Variants in SYTL2 observed in about 807,000 individuals in gnomAD.
SYTL2 encodes the protein synaptotagmin like 2.
A neutral mutation model predicts 198.7 loss-of-function variants in SYTL2; 165 were observed. That is an observed-to-expected ratio of 0.83 (90% confidence interval 0.73 to 0.94). The LOEUF (loss-of-function observed/expected upper bound fraction) is 0.94. SYTL2 is among the 40% of genes least tolerant of loss of function. SYTL2 has a pLI of 0.00. For synonymous variants in SYTL2, 966 were observed against 917.7 expected, an observed-to-expected ratio of 1.05 and a Z score of -0.95; for missense variants, 2,835 against 2,582.8, an observed-to-expected ratio of 1.10 and a Z score of -2.12.
At chr11:85,801,792 G>A (rs1360116245) in intron 1 of SYTL2, among the ~76,000 whole-genome samples, 1 of 150,994 alleles carries the variant, frequency 6.6e-6, no homozygotes, top group East Asian at 1.9e-4. Flanking sequence ...TACCTGTCCT[G>A]TGTGCCAACT....
chr11:85,772,646 G>A (rs1322401867), intron 1 of SYTL2, among the ~76,000 whole-genome samples: 1 of 152,124 alleles, frequency 6.6e-6, no homozygotes, highest in Non-Finnish European at 1.5e-5. Flanking sequence ...TATCAAAATG[G>A]GCAGCAACCA....
At chr11:85,753,498 G>C (rs1309850485) in intron 2 of SYTL2, among the ~76,000 whole-genome samples, 1 of 152,098 alleles carries the variant, frequency 6.6e-6, no homozygotes, top group Non-Finnish European at 1.5e-5. Flanking sequence ...TATTTCCTTG[G>C]GTACGAGTCC....
chr11:85,723,328 A>G (rs74566788), intron 8 of SYTL2, among the ~76,000 whole-genome samples: 2,975 of 152,342 alleles, frequency 0.02, 103 homozygotes, highest in African/African-American at 0.068. Flanking sequence ...CAGGTGAGTC[A>G]TCTGGCCAAA....
chr11:85,750,619 T>C (rs189691006), intron 2 of SYTL2, among the ~76,000 whole-genome samples: 27 of 152,316 alleles, frequency 1.8e-4, no homozygotes, highest in African/African-American at 6.3e-4. Flanking sequence ...ACCTTTGTAA[T>C]GCCAGCACCT....
At chr11:85,787,959 C>T (rs1432554158) in intron 1 of SYTL2, among the ~76,000 whole-genome samples, 2 of 152,102 alleles carry the variant, frequency 1.3e-5, no homozygotes, top group Non-Finnish European at 2.9e-5. Flanking sequence ...AACTTTTCCT[C>T]CAAGTGTGCA....
chr11:85,718,476 CA>C (rs778933141), intron 10 of SYTL2: 1 of 294,362 alleles, frequency 3.4e-6, no homozygotes, highest in Non-Finnish European at 6.4e-6. Flanking sequence ...CCTGCCTTTA[CA>C]AAGAGTTCTG....
At chr11:85,833,251 C>G in the SYTL2 span, among the ~76,000 whole-genome samples, 1 of 149,096 alleles carries the variant, frequency 6.7e-6, no homozygotes, top group Non-Finnish European at 1.5e-5. Flanking sequence ...TATTGGGCAT[C>G]TATCATTGCC....
At position 85,707,979 on chromosome 11, in the gene SYTL2, CA is replaced by C. The variant is rs1591611767; in HGVS notation, c.5916-449del. ...CTCAAAAAAAAAAAAAAAAAAACCA[CA>C]CACACACACACACACACACACAGAG... is the stretch of plus-strand genomic sequence containing the variant. On this transcript the variant is annotated intron_variant, in intron 14 of 19. Transcript: ENST00000359152. 18 of 176,958 alleles carry C rather than the reference CA, an allele frequency of 1.0e-4. No individual in the cohort carries two copies. The East Asian group carries it at 3.1e-3, about 31-fold the overall frequency. 11.0% of individuals were successfully genotyped at this position (176,958 alleles called of 1,614,324 possible).
chr11:85,810,260 G>T (rs2093013973), intron 1 of SYTL2, among the ~76,000 whole-genome samples: 1 of 152,174 alleles, frequency 6.6e-6, no homozygotes, highest in South Asian at 2.1e-4. Context: ...ATTAAGGCAG[G>T]AAGTGGAGCC....
chr11:85,712,231 G>A (rs980038857), intron 12 of SYTL2, among the ~76,000 whole-genome samples: 2 of 152,178 alleles, frequency 1.3e-5, no homozygotes, highest in Non-Finnish European at 2.9e-5. Flanking sequence ...AATGCTTTAC[G>A]TGGATAAGAA....
intron 1 of SYTL2, among the ~76,000 whole-genome samples, chr11:85,783,624 A>G (rs988037503): frequency 1.3e-5 from 2 of 152,230 alleles, no homozygotes; most frequent in South Asian, 2.1e-4. Flanking sequence ...AGTACCTTAC[A>G]TATATTAACT....
chr11:85,785,075 G>A (rs541056119), intron 1 of SYTL2, among the ~76,000 whole-genome samples: 164 of 152,190 alleles, frequency 1.1e-3, no homozygotes, highest in African/African-American at 3.8e-3. Flanking sequence ...TGAGAAAGGG[G>A]AAATTTGAGC....
In SYTL2 at chr11:85,726,562, T is replaced by G. The variant is rs1188380960; in HGVS notation, c.2796A>C (p.Gln932His). ...SRRNITLPAL[Q>H]PPSNVGSERH... ...GTTCACTCCCGACATTTGAGGGAGG[T>G]TGCAGTGCTGGTAAAGTAATGTTTC... The change falls in exon 8 of 20, where the codon CAA (glutamine) becomes CAC (histidine). Residue 932 changes from glutamine (Q) to histidine (H), a missense_variant. Physicochemically the swap from Gln to His is conservative, Grantham distance 24 (BLOSUM62 0). Coordinates refer to ENST00000359152, the MANE Select transcript of SYTL2 (RefSeq NM_206927.4). The G allele has an allele frequency of 1.9e-6, 3 of 1,593,510 alleles. No homozygotes were observed. Among genetic ancestry groups the G allele is most frequent in the Admixed American group, 3.4e-5 (2 of 58,988 alleles).
rs79623981 is a variant in SYTL2, at chr11:85,760,272, T to C, written c.-389-2158A>G. The stretch of plus-strand genomic sequence containing the variant: ...AGATATAAAAGAAAAAACTAAGTAT[T>C]TGTTGTTGGAAGCCACTGAGGTTTG... On this transcript the variant is annotated intron_variant, in intron 1 of 19. Transcript: ENST00000359152. Among the ~76,000 whole-genome samples the C allele has an allele frequency of 4.4e-3, 674 of 152,250 alleles. 21 individuals carry two copies. In the East Asian group the frequency reaches 0.088, roughly 20 times the overall value.
chr11:85,734,807 T>C, intron 6 of SYTL2, 65 bp from the exon 7 acceptor site: 1 of 1,213,154 alleles, frequency 8.2e-7, no homozygotes, highest in Non-Finnish European at 1.1e-6. Flanking sequence ...AAAATACCTG[T>C]CATAAACTTA....
intron 1 of SYTL2, among the ~76,000 whole-genome samples, chr11:85,804,506 T>G (rs1478207362): frequency 1.3e-5 from 2 of 152,176 alleles, no homozygotes; most frequent in Non-Finnish European, 2.9e-5. Flanking sequence ...GGGCCTCAAT[T>G]TCCTCATCAT....
chr11:85,841,480 T>C, the SYTL2 span, among the ~76,000 whole-genome samples: 2 of 152,248 alleles, frequency 1.3e-5, no homozygotes, highest in Admixed American at 1.3e-4. Context: ...CATGGAATAC[T>C]ATGCAGCCAT....
chr11:85,727,094 G>T lies in SYTL2; in HGVS notation c.2264C>A (p.Thr755Lys). Reference sequence around the variant, plus strand: ...AGAGCCATTGTTGGCAACCCCAGGTGTTGACTTAATATTCTCTGGCTCTAA... The same window carrying T: ...AGAGCCATTGTTGGCAACCCCAGGTTTTGACTTAATATTCTCTGGCTCTAA... Reference protein sequence around the residue: ...ASLEPENIKSTPGVANNGSPW... With the variant: ...ASLEPENIKSKPGVANNGSPW... The change falls in exon 8 of 20, where the codon ACA (threonine) becomes AAA (lysine). Residue 755 changes from threonine to lysine, a missense_variant. Around this residue, in one of 3 missense-constraint regions of SYTL2, gnomAD observed 2,645 missense variants for 2,381.7 expected, o/e 1.11. Coordinates refer to ENST00000359152, the MANE Select transcript of SYTL2 (RefSeq NM_206927.4). 6.5e-7 allele frequency: 1 copy of T among 1,535,904 alleles called. No individual in the cohort carries two copies. The highest frequency in any genetic ancestry group is 8.7e-7 in the Non-Finnish European group (1 of 1,146,804).
At chr11:85,826,324 T>C in the SYTL2 span, among the ~76,000 whole-genome samples, 2 of 152,200 alleles carry the variant, frequency 1.3e-5, 1 homozygote, top group Non-Finnish European at 2.9e-5. Flanking sequence ...AGCTGTCAAG[T>C]AGTGTCCAAA....
Sources: gnomAD v4.1 joint callset for allele counts (sites outside exome capture counted in the v4.1 genomes callset) on GRCh38, gnomAD v4.1.1 for gene constraint, gnomAD v4.1.1 regional missense constraint, MANE v1.5 for transcripts, NCBI Gene and HGNC (gene_info 2026-07-23, HGNC 2026-07-21) for gene names.